Variants in CTNNA2 observed in about 807,000 individuals in gnomAD.
CTNNA2 encodes the protein catenin alpha 2.
A neutral mutation model predicts 101.0 loss-of-function variants in CTNNA2; 42 were observed. The ratio of observed to expected loss-of-function variants is 0.42; its 90% CI spans 0.32 to 0.54. The LOEUF (loss-of-function observed/expected upper bound fraction) is 0.54, where lower values mean the gene tolerates loss of function less well. CTNNA2 is among the 20% of genes least tolerant of loss of function. The pLI is 0.14. For missense variants in CTNNA2, 871 were observed against 1,223.1 expected (o/e 0.71, Z 4.29); for synonymous variants, 450 against 456.4 (o/e 0.99, Z 0.18).
At chr2:79,637,281 G>C (rs1294793060) in intron 1 of CTNNA2, among the ~76,000 whole-genome samples, 1 of 152,188 alleles carries the variant, frequency 6.6e-6, no homozygotes, top group African/African-American at 2.4e-5. Context: ...ATACAGAAGA[G>C]AGAGTACAGT....
intron 9 of CTNNA2, among the ~76,000 whole-genome samples, chr2:80,433,313 G>A (rs1288667832): frequency 6.6e-6 from 1 of 152,068 alleles, no homozygotes. Context: ...TGGGGAAGGG[G>A]CTCAGGTGGG....
chr2:80,282,537 C>T (rs535348773), intron 7 of CTNNA2, among the ~76,000 whole-genome samples: 1 of 152,222 alleles, frequency 6.6e-6, no homozygotes, highest in East Asian at 1.9e-4. Context: ...TATTATCCAG[C>T]TGCAACAATA....
intron 1 of CTNNA2, among the ~76,000 whole-genome samples, chr2:79,578,408 A>G (rs62140065): frequency 0.086 from 13,144 of 152,086 alleles, 617 homozygotes; most frequent in Non-Finnish European, 0.096. Context: ...ATTTTAACTT[A>G]CCTTTTGTGG....
At chr2:79,726,616 G>A (rs1022742898) in intron 2 of CTNNA2, among the ~76,000 whole-genome samples, 3 of 152,162 alleles carry the variant, frequency 2.0e-5, no homozygotes, top group Admixed American at 2.0e-4. Flanking sequence ...TGGAAAAATT[G>A]TTGCCCATGA....
intron 5 of CTNNA2, among the ~76,000 whole-genome samples, chr2:79,507,310 A>G (rs1340266033): frequency 2.6e-5 from 4 of 152,204 alleles, no homozygotes. Flanking sequence ...CTTAATCCAC[A>G]ATGCAACAGT....
At chr2:80,216,226 C>T (rs1370877007) in intron 7 of CTNNA2, among the ~76,000 whole-genome samples, 3 of 152,126 alleles carry the variant, frequency 2.0e-5, no homozygotes, top group African/African-American at 7.2e-5. Flanking sequence ...AGGTGATGCC[C>T]CGCCCTGCTT....
At chr2:80,096,092 T>C (rs1445758755) in intron 7 of CTNNA2, among the ~76,000 whole-genome samples, 1 of 151,946 alleles carries the variant, frequency 6.6e-6, no homozygotes, top group Non-Finnish European at 1.5e-5. Flanking sequence ...TTAATTGTGA[T>C]GTTAGGGTGT....
At chr2:79,982,358 C>CCATATAACA (rs759445150) in intron 7 of CTNNA2, among the ~76,000 whole-genome samples, 1 of 132,508 alleles carries the variant, frequency 7.5e-6, no homozygotes, top group Non-Finnish European at 1.5e-5. Context: ...CCTATATAAC[C>CCATATAACA]TATATAACAT....
At chr2:79,845,059 G>A (rs567140441) in intron 3 of CTNNA2, among the ~76,000 whole-genome samples, 2 of 150,334 alleles carry the variant, frequency 1.3e-5, no homozygotes, top group Non-Finnish European at 3.0e-5. Flanking sequence ...GCATTTGTGT[G>A]TGTGTGTGTA....
At chr2:79,944,109 G>A (rs1472895463) in intron 7 of CTNNA2, among the ~76,000 whole-genome samples, 1 of 148,798 alleles carries the variant, frequency 6.7e-6, no homozygotes, top group African/African-American at 2.5e-5. Flanking sequence ...GGAGGATTCT[G>A]AAATAATCTC....
At chr2:80,605,486 T>G (rs1697921501) in intron 16 of CTNNA2, 1 of 151,988 alleles carries the variant, frequency 6.6e-6, no homozygotes, top group African/African-American at 2.4e-5. Context: ...AATTGCATCC[T>G]TCTCCATATA....
intron 6 of CTNNA2, among the ~76,000 whole-genome samples, chr2:79,882,457 G>C (rs1180407048): frequency 6.6e-6 from 1 of 152,182 alleles, no homozygotes; most frequent in Non-Finnish European, 1.5e-5. Context: ...AGGATGGATG[G>C]GTCAGGCTCA....
At chr2:79,668,416 ACT>A (rs1406324796) in intron 2 of CTNNA2, among the ~76,000 whole-genome samples, 2 of 119,552 alleles carry the variant, frequency 1.7e-5, no homozygotes, top group East Asian at 6.4e-4. Flanking sequence ...ATCTTTTAAA[ACT>A]CTGTTAGTTT....
Position 80,198,895 on chromosome 2 carries a change from G to A in CTNNA2, c.1057-194316G>A, listed in dbSNP as rs923194634. ...TGGAACTGTCCTTTAGAATTGCAGTGCATAGGGCTGGGCTTGATGGTTCAT... is the reference window on the plus strand; with the variant it reads ...TGGAACTGTCCTTTAGAATTGCAGTACATAGGGCTGGGCTTGATGGTTCAT... On this transcript the variant is annotated intron_variant, in intron 7 of 18. Coordinates refer to ENST00000402739, the MANE Select transcript of CTNNA2 (RefSeq NM_001282597.3). Among the ~76,000 whole-genome samples, 4 of 152,098 alleles carry A rather than the reference G, an allele frequency of 2.6e-5. No homozygotes were observed. The East Asian group carries it at 7.8e-4, about 29-fold the overall frequency.
At chr2:79,838,468 G>A (rs1679559693) in intron 3 of CTNNA2, among the ~76,000 whole-genome samples, 1 of 152,098 alleles carries the variant, frequency 6.6e-6, no homozygotes, top group Non-Finnish European at 1.5e-5. Flanking sequence ...CAAAACAATA[G>A]GAGGCTATAT....
At chr2:79,295,872 G>A (rs939274858) in intron 2 of CTNNA2, among the ~76,000 whole-genome samples, 1 of 151,808 alleles carries the variant, frequency 6.6e-6, no homozygotes, top group Admixed American at 6.6e-5. Context: ...TTTTCAGAGT[G>A]TGAATTTTGT....
At chr2:80,546,131 C>G in intron 11 of CTNNA2, 68 bp downstream of exon 11, 2 of 1,563,730 alleles carry the variant, frequency 1.3e-6, no homozygotes, top group Non-Finnish European at 1.7e-6. Context: ...TAAGGAATGT[C>G]TCGCAAATGT....
chr2:80,546,034 C>T lies in CTNNA2; in HGVS notation c.1511C>T (p.Thr504Ile), dbSNP rs1242551165. Residue 504 changes from threonine (T) to isoleucine (I), a missense_variant, in exon 11 of 19, where the codon ACC (threonine) becomes ATC (isoleucine). Physicochemically the swap from Thr to Ile is moderately conservative, Grantham distance 89. Coordinates refer to ENST00000402739, the MANE Select transcript of CTNNA2 (RefSeq NM_001282597.3). Reference protein sequence around the residue: ...RVLTEAVDDITSVDDFLSVSE... With the variant: ...RVLTEAVDDIISVDDFLSVSE... ...TTGACAGAGGCCGTGGATGACATCA[C>T]CTCAGTGGATGACTTCCTCTCTGTC... 1 of 1,614,012 alleles carries T rather than the reference C, an allele frequency of 6.2e-7. No individual in the cohort carries two copies. The highest frequency in any genetic ancestry group is 8.5e-7 in the Non-Finnish European group (1 of 1,179,982).
intron 7 of CTNNA2, among the ~76,000 whole-genome samples, chr2:80,082,052 A>T (rs376876716): frequency 1.3e-5 from 2 of 152,026 alleles, no homozygotes; most frequent in South Asian, 4.1e-4. Context: ...TAAGTGTAGG[A>T]ATTAAAGGGT....
Sources: gnomAD v4.1 joint callset for allele counts (sites outside exome capture counted in the v4.1 genomes callset) on GRCh38, gnomAD v4.1.1 for gene constraint, MANE v1.5 for transcripts, NCBI Gene and HGNC (gene_info 2026-07-23, HGNC 2026-07-21) for gene names.